Variants in COP1 observed in about 807,000 individuals in gnomAD.
COP1 encodes E3 ubiquitin-protein ligase COP1.
COP1 carries 24 observed loss-of-function variants against 101.3 expected under a neutral mutation model. The observed-to-expected ratio is 0.24, with a 90% CI of 0.17 to 0.33. The LOEUF (loss-of-function observed/expected upper bound fraction) is 0.33, where lower values mean the gene tolerates loss of function less well. Ranked by LOEUF, COP1 falls within the 10% of genes least tolerant of loss-of-function variation. The probability of loss-of-function intolerance (pLI) is 1.00; values close to 1 mark genes in which losing one functional copy is unlikely to be tolerated. For missense variants in COP1, 663 were observed against 906.2 expected (o/e 0.73, Z 3.45); for synonymous variants, 347 against 341.9 (o/e 1.01, Z -0.17).
intron 9 of COP1, among the ~76,000 whole-genome samples, chr1:176,096,455 C>T (rs1682396508): frequency 6.6e-6 from 1 of 152,202 alleles, no homozygotes; most frequent in African/African-American, 2.4e-5. Flanking sequence ...CCAACGACCA[C>T]ACAGGGCGGG....
intron 8 of COP1, among the ~76,000 whole-genome samples, chr1:176,122,166 C>A (rs969078155): frequency 6.7e-6 from 1 of 150,228 alleles, no homozygotes; most frequent in Non-Finnish European, 1.5e-5. Context: ...AATCTGGGCT[C>A]AAAAAGATGA....
chr1:176,104,431 A>G (rs770173284), intron 9 of COP1, among the ~76,000 whole-genome samples: 2 of 152,132 alleles, frequency 1.3e-5, no homozygotes, highest in Non-Finnish European at 2.9e-5. Context: ...CTAATATAAC[A>G]AAGTCTTATA....
intron 9 of COP1, among the ~76,000 whole-genome samples, chr1:176,103,476 G>C (rs138621101): frequency 4.5e-4 from 68 of 152,286 alleles, no homozygotes; most frequent in African/African-American, 1.5e-3. Flanking sequence ...TGCCCAGAGA[G>C]GGCATGGAAG....
chr1:176,105,411 A>G (rs1400237081), intron 9 of COP1, among the ~76,000 whole-genome samples: 1 of 152,214 alleles, frequency 6.6e-6, no homozygotes, highest in Non-Finnish European at 1.5e-5. Context: ...TATTTTCAGT[A>G]TATATTCTCA....
chr1:176,107,819 T>C (rs1327034174), intron 9 of COP1, among the ~76,000 whole-genome samples: 1 of 152,108 alleles, frequency 6.6e-6, no homozygotes, highest in African/African-American at 2.4e-5. Context: ...GAGGACAAAA[T>C]AGGACTACTA....
Position 176,085,893 on chromosome 1 carries a change from A to G in COP1, c.1027-3T>C. 9.8e-6 allele frequency: 15 copies of G among 1,537,218 alleles called. No individual in the cohort carries two copies. Among genetic ancestry groups the G allele is most frequent in the Non-Finnish European group, 1.3e-5 (15 of 1,116,814 alleles). On this transcript the variant is annotated splice_polypyrimidine_tract_variant and splice_region_variant and intron_variant, in intron 9 of 19. Transcript: ENST00000367669. ...TTATACCAAGGCTGTTTCTTTGTCT[A>G]AAATAATAAGAAAAGACACAAAACT...
At chr1:176,031,323 T>C (rs1668616803) in intron 14 of COP1, among the ~76,000 whole-genome samples, 1 of 152,072 alleles carries the variant, frequency 6.6e-6, no homozygotes, top group Non-Finnish European at 1.5e-5. Flanking sequence ...GGAGGAAGCG[T>C]AGAAGAAATC....
At chr1:176,202,571 GTC>G (rs2102288144) in intron 1 of COP1, among the ~76,000 whole-genome samples, 1 of 151,792 alleles carries the variant, frequency 6.6e-6, no homozygotes, top group African/African-American at 2.4e-5. Flanking sequence ...GGTGGCACCC[GTC>G]TCTAATCCCC....
At chr1:176,089,498 A>G (rs1286910838) in intron 9 of COP1, among the ~76,000 whole-genome samples, 1 of 152,242 alleles carries the variant, frequency 6.6e-6, no homozygotes, top group East Asian at 1.9e-4. Context: ...CTAAATATGT[A>G]TGGTATTTAC....
intron 5 of COP1, among the ~76,000 whole-genome samples, chr1:176,151,337 AGGAAGG>A (rs1487387961): frequency 1.6e-3 from 220 of 138,586 alleles, no homozygotes; most frequent in African/African-American, 4.3e-3. Flanking sequence ...GAAAGAAAGA[AGGAAGG>A]AAAGAAAGAA....
At chr1:176,104,882 T>C (rs1357711016) in intron 9 of COP1, among the ~76,000 whole-genome samples, 2 of 152,170 alleles carry the variant, frequency 1.3e-5, no homozygotes, top group Admixed American at 6.5e-5. Flanking sequence ...TAATGGAAAC[T>C]GCGTACTTGT....
At chr1:175,991,497 T>C (rs1173247606) in intron 15 of COP1, among the ~76,000 whole-genome samples, 2 of 152,126 alleles carry the variant, frequency 1.3e-5, no homozygotes, top group Non-Finnish European at 2.9e-5. Flanking sequence ...CCTAAGACGT[T>C]AACAGTATAC....
chr1:175,952,727 A>G (rs1650102195), intron 18 of COP1, among the ~76,000 whole-genome samples: 1 of 152,100 alleles, frequency 6.6e-6, no homozygotes, highest in Non-Finnish European at 1.5e-5. Context: ...TGGGCAACAG[A>G]GTAATACCTT....
intron 18 of COP1, among the ~76,000 whole-genome samples, chr1:175,955,041 A>G (rs561905365): frequency 6.6e-6 from 1 of 152,216 alleles, no homozygotes; most frequent in Admixed American, 6.5e-5. Context: ...TGAGTCCAGG[A>G]GTGTGAGACC....
At chr1:176,012,670 AT>A (rs910127066) in intron 15 of COP1, among the ~76,000 whole-genome samples, 64 of 151,198 alleles carry the variant, frequency 4.2e-4, no homozygotes, top group Middle Eastern at 3.4e-3. Flanking sequence ...AAGGTGTACC[AT>A]TTTTTTTTTA....
intron 9 of COP1, among the ~76,000 whole-genome samples, chr1:176,089,506 T>C (rs941558965): frequency 6.6e-6 from 1 of 152,234 alleles, no homozygotes; most frequent in African/African-American, 2.4e-5. Context: ...GTATGGTATT[T>C]ACCTGCTGGC....
At chr1:176,064,452 A>G (rs1236079472) in intron 11 of COP1, among the ~76,000 whole-genome samples, 1 of 152,198 alleles carries the variant, frequency 6.6e-6, no homozygotes, top group East Asian at 1.9e-4. Context: ...TGTCAAATGT[A>G]ATACATTCTT....
At chr1:175,947,473 C>T (rs1053629303) in intron 18 of COP1, 17 of 422,288 alleles carry the variant, frequency 4.0e-5, no homozygotes, top group African/African-American at 8.2e-5. Context: ...TGGGTTCAAG[C>T]GATTCTCCTG....
At chr1:176,064,561 T>A (rs1024553019) in intron 11 of COP1, among the ~76,000 whole-genome samples, 4 of 152,202 alleles carry the variant, frequency 2.6e-5, no homozygotes, top group Admixed American at 2.6e-4. Flanking sequence ...CAGGGTGTAT[T>A]AAAATATCTA....
Sources: gnomAD v4.1 joint callset for allele counts (sites outside exome capture counted in the v4.1 genomes callset) on GRCh38, gnomAD v4.1.1 for gene constraint, MANE v1.5 for transcripts, NCBI Gene and HGNC (gene_info 2026-07-23, HGNC 2026-07-21) for gene names.